Variants in C1QTNF7 observed in about 807,000 individuals in gnomAD.
The protein encoded by C1QTNF7 is C1q and TNF related 7, also known as complement C1q tumor necrosis factor-related protein 7.
Under a neutral mutation model 19.6 loss-of-function variants are expected in C1QTNF7, and 15 were observed. That is an observed-to-expected ratio of 0.76 (90% CI 0.51 to 1.18). The LOEUF is 1.18. Ranked by LOEUF, C1QTNF7 falls within the 50% of genes most tolerant of loss-of-function variation. C1QTNF7 has a pLI of 0.00. For missense variants in C1QTNF7, 324 were observed against 359.7 expected (o/e 0.90, Z 0.80); for synonymous variants, 142 against 137.5 (o/e 1.03, Z -0.23).
chr4:15,365,057 C>A (rs964029077), intron 1 of C1QTNF7, among the ~76,000 whole-genome samples: 3 of 152,046 alleles, frequency 2.0e-5, no homozygotes, highest in African/African-American at 4.8e-5. Context: ...CAGGGTTTTT[C>A]CTCTTGCTTT....
At chr4:15,436,951 G>A (rs565326308) in intron 2 of C1QTNF7, among the ~76,000 whole-genome samples, 8 of 152,182 alleles carry the variant, frequency 5.3e-5, no homozygotes, top group Middle Eastern at 3.4e-3. Flanking sequence ...TTTGCCATGC[G>A]GATAATATCT....
intron 1 of C1QTNF7, among the ~76,000 whole-genome samples, chr4:15,353,126 C>T (rs140444709): frequency 7.2e-5 from 11 of 152,192 alleles, no homozygotes; most frequent in South Asian, 4.1e-4. Context: ...TGTACTGAGA[C>T]GGGGGAATGA....
At chr4:15,386,792 G>A (rs1244855244) in intron 1 of C1QTNF7, among the ~76,000 whole-genome samples, 4 of 152,200 alleles carry the variant, frequency 2.6e-5, no homozygotes, top group Non-Finnish European at 5.9e-5. Flanking sequence ...CAGCAGGCTT[G>A]AGGAGTGGCA....
At chr4:15,367,306 T>C (rs961446059) in intron 1 of C1QTNF7, among the ~76,000 whole-genome samples, 3 of 152,222 alleles carry the variant, frequency 2.0e-5, no homozygotes, top group African/African-American at 7.2e-5. Context: ...TTCTAAAGAA[T>C]TAACTCCACT....
chr4:15,438,905 G>A (rs1296319691), intron 2 of C1QTNF7, among the ~76,000 whole-genome samples: 1 of 152,152 alleles, frequency 6.6e-6, no homozygotes, highest in East Asian at 1.9e-4. Flanking sequence ...TTACATGGAC[G>A]CATGTATGTA....
chr4:15,359,897 C>A (rs1717276302), intron 1 of C1QTNF7, among the ~76,000 whole-genome samples: 1 of 152,038 alleles, frequency 6.6e-6, no homozygotes, highest in Admixed American at 6.6e-5. Flanking sequence ...CACAAGCAAG[C>A]CCCAGTACCT....
chr4:15,441,256 T>A (rs1712746213), intron 2 of C1QTNF7, among the ~76,000 whole-genome samples: 1 of 152,212 alleles, frequency 6.6e-6, no homozygotes, highest in Non-Finnish European at 1.5e-5. Flanking sequence ...TTCTCTTCAG[T>A]AAAGTAACTC....
chr4:15,342,969 T>C (rs986183211), intron 1 of C1QTNF7, among the ~76,000 whole-genome samples: 3 of 152,330 alleles, frequency 2.0e-5, no homozygotes, highest in African/African-American at 7.2e-5. Flanking sequence ...TAAATGAAGA[T>C]AGTAATCACA....
Position 15,378,902 on chromosome 4 carries a change from T to C in C1QTNF7, c.13+38695T>C, listed in dbSNP as rs146892808. Among the ~76,000 whole-genome samples the C allele has an allele frequency of 2.2e-4, 34 of 152,338 alleles. 2 individuals carry two copies. In the East Asian group the frequency reaches 6.4e-3, roughly 29 times the overall value. On this transcript the variant is annotated intron_variant, in intron 1 of 2. Transcript: ENST00000295297. ...AAATGAAGATCACCATTCAGAGAAC[T>C]TGCACCAGAGAAGTAAACTTTGTCT...
At position 15,379,411 on chromosome 4, in the gene C1QTNF7, A is replaced by G. The variant is rs181767147; in HGVS notation, c.13+39204A>G. On this transcript the variant is annotated intron_variant, in intron 1 of 2. Transcript: ENST00000295297. ...ACTTTTATGACAAATAATATTCCCA[A>G]CATTTTACATATATTAGCTCTGAAC... Among the ~76,000 whole-genome samples the G allele has an allele frequency of 2.6e-5, 4 of 152,372 alleles. No individual in the cohort carries two copies. The East Asian group carries it at 7.7e-4, about 29-fold the overall frequency.
intron 1 of C1QTNF7, among the ~76,000 whole-genome samples, chr4:15,369,749 G>C (rs6449131): frequency 0.47 from 71,582 of 151,984 alleles, 18,117 homozygotes; most frequent in African/African-American, 0.65. Context: ...GGGAAAGAAG[G>C]CCTGTGAAGT....
intron 1 of C1QTNF7, among the ~76,000 whole-genome samples, chr4:15,378,773 A>T (rs964268262): frequency 2.0e-5 from 3 of 152,226 alleles, no homozygotes. Context: ...ATTAGCCAAG[A>T]ACTAATAGAG....
chr4:15,396,819 T>G (rs1718802532), intron 1 of C1QTNF7, among the ~76,000 whole-genome samples: 1 of 152,116 alleles, frequency 6.6e-6, no homozygotes, highest in Non-Finnish European at 1.5e-5. Context: ...GCCCACACAC[T>G]GAATAAACTT....
intron 1 of C1QTNF7, among the ~76,000 whole-genome samples, chr4:15,342,589 C>T (rs1181708787): frequency 6.6e-6 from 1 of 152,150 alleles, no homozygotes; most frequent in South Asian, 2.1e-4. Context: ...TTGAACTAGA[C>T]CTTGAAAGAT....
chr4:15,375,964 A>G (rs1717923680), intron 1 of C1QTNF7, among the ~76,000 whole-genome samples: 1 of 152,204 alleles, frequency 6.6e-6, no homozygotes, highest in African/African-American at 2.4e-5. Context: ...AGCTGCTTCC[A>G]AGAGTCGAAA....
intron 1 of C1QTNF7, among the ~76,000 whole-genome samples, chr4:15,341,114 G>C (rs781561082): frequency 2.0e-5 from 3 of 152,222 alleles, no homozygotes; most frequent in African/African-American, 4.8e-5. Context: ...AGCAGGCTGA[G>C]ATTTTATCAC....
chr4:15,425,440 C>T (rs1018363589), upstream of C1QTNF7, among the ~76,000 whole-genome samples: 1 of 152,048 alleles, frequency 6.6e-6, no homozygotes, highest in Non-Finnish European at 1.5e-5. Flanking sequence ...ATAGGGGAGA[C>T]ATGGTTGGTA....
At chr4:15,392,246 A>C (rs1718585887) in intron 1 of C1QTNF7, among the ~76,000 whole-genome samples, 1 of 152,116 alleles carries the variant, frequency 6.6e-6, no homozygotes, top group Admixed American at 6.5e-5. Context: ...TTGCCAGAAG[A>C]CTGGGCTTGC....
chr4:15,397,876 T>C (rs751870762), intron 1 of C1QTNF7, among the ~76,000 whole-genome samples: 6 of 152,174 alleles, frequency 3.9e-5, no homozygotes, highest in Non-Finnish European at 8.8e-5. Flanking sequence ...TGCTGGCGAC[T>C]ACACAGTTCT....
Sources: gnomAD v4.1 joint callset for allele counts (sites outside exome capture counted in the v4.1 genomes callset) on GRCh38, gnomAD v4.1.1 for gene constraint, MANE v1.5 for transcripts, NCBI Gene and HGNC (gene_info 2026-07-23, HGNC 2026-07-21) for gene names.